Variants in DLC1 observed in about 807,000 individuals in gnomAD.
The protein encoded by DLC1 is DLC1 Rho GTPase activating protein.
A neutral mutation model predicts 140.3 loss-of-function variants in DLC1; 54 were observed. That is an observed-to-expected ratio of 0.38 (90% CI 0.31 to 0.48). DLC1 has a LOEUF of 0.48. DLC1 is among the 20% of genes least tolerant of loss of function. DLC1 has a pLI of 0.96. For synonymous variants in DLC1, 986 were observed against 728.1 expected (o/e 1.35, Z -5.70); for missense variants, 2,536 against 1,907.0 (o/e 1.33, Z -6.14).
intron 1 of DLC1, among the ~76,000 whole-genome samples, chr8:13,537,535 C>G (rs373361345): frequency 6.6e-6 from 1 of 151,572 alleles, no homozygotes; most frequent in Non-Finnish European, 1.5e-5. Flanking sequence ...ACATGGGCTA[C>G]GAGACAGACA....
chr8:13,463,418 G>A (rs1038771830), intron 2 of DLC1, among the ~76,000 whole-genome samples: 3 of 152,056 alleles, frequency 2.0e-5, no homozygotes, highest in Non-Finnish European at 4.4e-5. Flanking sequence ...CTTTCTTCAG[G>A]TCTGATTTAA....
intron 5 of DLC1, among the ~76,000 whole-genome samples, chr8:13,204,414 T>C (rs1219503560): frequency 2.0e-5 from 3 of 152,214 alleles, no homozygotes; most frequent in Non-Finnish European, 4.4e-5. Flanking sequence ...CTATTTCCCT[T>C]AGACTTTAAA....
upstream of DLC1, among the ~76,000 whole-genome samples, chr8:13,516,035 A>G (rs1290759904): frequency 6.6e-6 from 1 of 152,178 alleles, no homozygotes; most frequent in Non-Finnish European, 1.5e-5. Context: ...TTCATTGTTT[A>G]TACCAGGGAA....
intron 2 of DLC1, among the ~76,000 whole-genome samples, chr8:13,430,103 C>G (rs1178629003): frequency 2.0e-5 from 3 of 152,144 alleles, no homozygotes; most frequent in Non-Finnish European, 4.4e-5. Context: ...ATATAGGCAT[C>G]AGTATTTTAT....
chr8:13,157,305 CG>C (rs1457053343), intron 5 of DLC1, among the ~76,000 whole-genome samples: 1 of 151,906 alleles, frequency 6.6e-6, no homozygotes, highest in Non-Finnish European at 1.5e-5. Flanking sequence ...TTTGAGTAGG[CG>C]GGGTTAGAGA....
At chr8:13,580,584 GC>G (rs1358267067) in intron 1 of DLC1, among the ~76,000 whole-genome samples, 1 of 152,166 alleles carries the variant, frequency 6.6e-6, no homozygotes, top group Non-Finnish European at 1.5e-5. Flanking sequence ...AAGTCATCTT[GC>G]AGAGGTGAGA....
chr8:13,294,495 C>T (rs145892480), intron 5 of DLC1, among the ~76,000 whole-genome samples: 203 of 152,128 alleles, frequency 1.3e-3, no homozygotes, highest in Non-Finnish European at 1.7e-3. Context: ...TCACCTTCAC[C>T]GGGAAGCCAG....
At chr8:13,109,976 C>A (rs1257030398) in intron 7 of DLC1, among the ~76,000 whole-genome samples, 1 of 152,098 alleles carries the variant, frequency 6.6e-6, no homozygotes, top group Admixed American at 6.5e-5. Context: ...TCAAATCAAC[C>A]TATGTGAGTT....
chr8:13,274,356 C>T (rs961385523), intron 5 of DLC1, among the ~76,000 whole-genome samples: 1 of 152,154 alleles, frequency 6.6e-6, no homozygotes, highest in African/African-American at 2.4e-5. Flanking sequence ...CTTTTCCTTT[C>T]AAGCATGGTA....
intron 5 of DLC1, among the ~76,000 whole-genome samples, chr8:13,299,024 C>G (rs1832074275): frequency 6.6e-6 from 1 of 152,018 alleles, no homozygotes; most frequent in Admixed American, 6.6e-5. Context: ...CAAATATTCT[C>G]AAAGTGATAT....
chr8:13,326,449 G>A (rs376162448), intron 4 of DLC1, among the ~76,000 whole-genome samples: 3 of 152,096 alleles, frequency 2.0e-5, no homozygotes, highest in South Asian at 2.1e-4. Context: ...TAAAGAAGAG[G>A]ACATATAATT....
intron 5 of DLC1, among the ~76,000 whole-genome samples, chr8:13,198,550 T>A (rs1827199583): frequency 6.6e-6 from 1 of 152,230 alleles, no homozygotes; most frequent in African/African-American, 2.4e-5. Flanking sequence ...TATTTCTATA[T>A]GACTTCAAAT....
intron 4 of DLC1, among the ~76,000 whole-genome samples, chr8:13,318,529 C>A (rs538683771): frequency 6.6e-5 from 10 of 152,170 alleles, no homozygotes; most frequent in Non-Finnish European, 1.5e-4. Flanking sequence ...TATCCAGCCT[C>A]TTTAGGACTC....
chr8:13,280,124 C>CAA lies in DLC1; in HGVS notation c.1348+25143_1348+25144dup, dbSNP rs59657810. ...GAAACCCCCGTCTCTACTAAAAATA[C>CAA]AAAAAAAAAAAAAATTAGCCGGGCG... On this transcript the variant is annotated intron_variant, in intron 5 of 17. Transcript: ENST00000276297. 1.8e-3 allele frequency among the ~76,000 whole-genome samples: 239 copies of CAA among 129,716 alleles called. 3 individuals are homozygous for CAA. The East Asian group carries it at 0.031, about 17-fold the overall frequency. The allele number at this position is 129,716 out of a possible 152,430, so 85.1% of individuals were successfully genotyped here.
At chr8:13,308,142 T>C (rs1832530837) in intron 4 of DLC1, among the ~76,000 whole-genome samples, 1 of 152,194 alleles carries the variant, frequency 6.6e-6, no homozygotes, top group South Asian at 2.1e-4. Flanking sequence ...GCATGTGTAA[T>C]TAAATATTTA....
chr8:13,283,579 G>A (rs1297923203), intron 5 of DLC1, among the ~76,000 whole-genome samples: 7 of 152,142 alleles, frequency 4.6e-5, no homozygotes, highest in African/African-American at 1.4e-4. Flanking sequence ...GTAGTGGTGC[G>A]ATCTTGGCTC....
chr8:13,301,692 T>C (rs1832197542), intron 5 of DLC1, among the ~76,000 whole-genome samples: 1 of 152,150 alleles, frequency 6.6e-6, no homozygotes, highest in African/African-American at 2.4e-5. Context: ...CCAGTACCGG[T>C]CTGTGATCTG....
chr8:13,290,426 C>A (rs1391624571), intron 5 of DLC1, among the ~76,000 whole-genome samples: 1 of 152,162 alleles, frequency 6.6e-6, no homozygotes, highest in Non-Finnish European at 1.5e-5. Context: ...ATGGGGCACA[C>A]TTTAGCAAAC....
chr8:13,236,208 T>G (rs910813206), intron 5 of DLC1, among the ~76,000 whole-genome samples: 1 of 152,050 alleles, frequency 6.6e-6, no homozygotes, highest in Non-Finnish European at 1.5e-5. Context: ...AAAACTTTCT[T>G]TGGATATACT....
Sources: gnomAD v4.1 joint callset for allele counts (sites outside exome capture counted in the v4.1 genomes callset) on GRCh38, gnomAD v4.1.1 for gene constraint, MANE v1.5 for transcripts, NCBI Gene and HGNC (gene_info 2026-07-23, HGNC 2026-07-21) for gene names.